TAFA2: variants seen among roughly 807,000 people sequenced by gnomAD.
TAFA2 encodes the protein chemokine-like protein TAFA-2.
Under a neutral mutation model 18.8 loss-of-function variants are expected in TAFA2, and 7 were observed. That is an observed-to-expected ratio of 0.37 (90% CI 0.21 to 0.70). The LOEUF is 0.70. Ranked by LOEUF, TAFA2 falls within the 30% of genes least tolerant of loss-of-function variation. The pLI is 0.53. For synonymous variants in TAFA2, 60 were observed against 54.2 expected (o/e 1.11, Z -0.47); for missense variants, 122 against 158.1 (o/e 0.77, Z 1.23).
chr12:62,175,318 A>G (rs936799589), intron 1 of TAFA2, among the ~76,000 whole-genome samples: 3 of 152,174 alleles, frequency 2.0e-5, no homozygotes, highest in Admixed American at 6.5e-5. Context: ...GTGCTCTTCA[A>G]TAAGCCTGGC....
At chr12:62,168,494 A>G (rs2062454862) in intron 1 of TAFA2, among the ~76,000 whole-genome samples, 1 of 152,198 alleles carries the variant, frequency 6.6e-6, no homozygotes, top group Admixed American at 6.5e-5. Context: ...TTCTGCTGAT[A>G]AACTGCAAAG....
intron 1 of TAFA2, among the ~76,000 whole-genome samples, chr12:62,029,008 A>G (rs540928965): frequency 2.0e-4 from 30 of 152,308 alleles, no homozygotes; most frequent in Admixed American, 1.9e-3. Context: ...TATGTAACTA[A>G]TAGATATGCA....
intron 1 of TAFA2, among the ~76,000 whole-genome samples, chr12:61,911,346 C>A (rs7980473): frequency 6.6e-6 from 1 of 152,040 alleles, no homozygotes; most frequent in Admixed American, 6.6e-5. Flanking sequence ...CCCAATCCTT[C>A]GAAAATTCCA....
At chr12:61,738,290 A>AACACACAC (rs369001355) in intron 4 of TAFA2, among the ~76,000 whole-genome samples, 10,040 of 124,440 alleles carry the variant, frequency 0.081, 558 homozygotes, top group African/African-American at 0.15. Flanking sequence ...TGAAAATGAA[A>AACACACAC]ACACACACAC....
chr12:62,123,880 G>T (rs947024530), intron 1 of TAFA2, among the ~76,000 whole-genome samples: 2 of 151,580 alleles, frequency 1.3e-5, no homozygotes, highest in Admixed American at 1.3e-4. Flanking sequence ...ATGAACTTGG[G>T]CTCCCTCTGC....
chr12:61,862,799 T>C (rs1006491220), intron 2 of TAFA2, among the ~76,000 whole-genome samples: 1 of 152,212 alleles, frequency 6.6e-6, no homozygotes, highest in Non-Finnish European at 1.5e-5. Flanking sequence ...ACTTTAGATC[T>C]TACCCAAAGG....
intron 1 of TAFA2, among the ~76,000 whole-genome samples, chr12:62,004,469 T>C (rs1042100688): frequency 6.6e-6 from 1 of 152,038 alleles, no homozygotes; most frequent in Non-Finnish European, 1.5e-5. Flanking sequence ...AAAAAAGGTG[T>C]TAAAAAGAAG....
intron 2 of TAFA2, among the ~76,000 whole-genome samples, chr12:61,837,114 C>T (rs554267093): frequency 6.6e-6 from 1 of 151,842 alleles, no homozygotes; most frequent in East Asian, 1.9e-4. Context: ...ATCCAACACT[C>T]CATATCTTTC....
Position 62,175,112 on chromosome 12 carries a change from AT to A in TAFA2, c.-2+16146del, listed in dbSNP as rs571721408. ...AATTTTAGCATTCCTTTCCCTGTGG[AT>A]TTTTTTTCTTAATTGGATCAATGCT... On this transcript the variant is annotated intron_variant, in intron 1 of 4. Coordinates refer to ENST00000416284, the MANE Select transcript of TAFA2 (RefSeq NM_178539.5). 2.3e-3 allele frequency among the ~76,000 whole-genome samples: 344 copies of A among 152,126 alleles called. 1 individual carries two copies. The highest frequency in any genetic ancestry group is 4.8e-3 in the Admixed American group (74 of 15,278).
At chr12:62,235,186 T>C (rs2062831075) in intron 1 of TAFA2, 1 of 666,598 alleles carries the variant, frequency 1.5e-6, no homozygotes, top group Non-Finnish European at 2.9e-6. Context: ...CAGTAAATCA[T>C]CCGGAAAGGA....
At chr12:61,851,774 C>CAAAAAAAAAA (rs55651727) in intron 2 of TAFA2, among the ~76,000 whole-genome samples, 5 of 14,500 alleles carry the variant, frequency 3.4e-4, no homozygotes, top group African/African-American at 4.5e-4. Context: ...GACTCCATCT[C>CAAAAAAAAAA]AAAAAAAAAA....
chr12:62,147,365 T>C (rs1391297462), intron 1 of TAFA2, among the ~76,000 whole-genome samples: 1 of 108,280 alleles, frequency 9.2e-6, no homozygotes, highest in Non-Finnish European at 1.9e-5. Context: ...TATATATATA[T>C]ATATAGCAAA....
intron 1 of TAFA2, among the ~76,000 whole-genome samples, chr12:61,958,892 A>C (rs1878788534): frequency 6.6e-6 from 1 of 151,820 alleles, no homozygotes; most frequent in South Asian, 2.1e-4. Context: ...ACAGATTTTT[A>C]TTTTTCTTCA....
upstream of TAFA2, among the ~76,000 whole-genome samples, chr12:62,197,701 T>G (rs1200332511): frequency 1.3e-5 from 2 of 152,234 alleles, no homozygotes; most frequent in African/African-American, 2.4e-5. Flanking sequence ...AATAGTATTT[T>G]ATGTGTTCTT....
At chr12:61,999,216 G>T (rs190122277) in intron 1 of TAFA2, among the ~76,000 whole-genome samples, 20 of 152,288 alleles carry the variant, frequency 1.3e-4, no homozygotes, top group Admixed American at 1.3e-3. Flanking sequence ...TTCAGCTAAA[G>T]CATGCCCCTT....
At chr12:62,222,673 A>ATTTTTTT (rs767010579) in intron 1 of TAFA2, among the ~76,000 whole-genome samples, 1 of 140,894 alleles carries the variant, frequency 7.1e-6, no homozygotes, top group African/African-American at 2.6e-5. Context: ...CGCCCAGCTA[A>ATTTTTTT]TTTTTTTTTT....
At chr12:61,803,019 T>C (rs1249733515) in intron 2 of TAFA2, among the ~76,000 whole-genome samples, 2 of 152,010 alleles carry the variant, frequency 1.3e-5, no homozygotes, top group African/African-American at 2.4e-5. Flanking sequence ...TAGCTGTCTC[T>C]TAATAACAGT....
rs920376221 is a variant in TAFA2, at chr12:61,708,326, C to T, written c.*2080G>A. 6.6e-6 allele frequency: 1 copy of T among 152,044 alleles called. No individual in the cohort carries two copies. The highest frequency in any genetic ancestry group is 1.5e-5 in the Non-Finnish European group (1 of 67,974). 9.4% of individuals were successfully genotyped at this position (152,044 alleles called of 1,614,324 possible). ...TTTTCTGAATAGTCACAACATTAAT[C>T]TACTGGGGATAATCTAGTTAGTATA... On this transcript the variant is annotated 3_prime_UTR_variant, in exon 5 of 5. Coordinates refer to ENST00000416284, the MANE Select transcript of TAFA2 (RefSeq NM_178539.5).
chr12:61,728,923 A>G (rs1400548761), intron 4 of TAFA2, among the ~76,000 whole-genome samples: 2 of 152,052 alleles, frequency 1.3e-5, no homozygotes, highest in Non-Finnish European at 2.9e-5. Flanking sequence ...ACAATCTTAT[A>G]GTATTGGCTT....
Sources: allele counts gnomAD v4.1 joint callset (sites outside exome capture counted in the v4.1 genomes callset), GRCh38; gene constraint gnomAD v4.1.1; transcripts MANE v1.5; gene names NCBI Gene and HGNC (gene_info 2026-07-23, HGNC 2026-07-21).